Variants in KDM4D observed in about 807,000 individuals in gnomAD.
The protein encoded by KDM4D is lysine demethylase 4D, also known as lysine-specific demethylase 4D.
For synonymous variants in KDM4D, 254 were observed against 249.1 expected (o/e 1.02, Z -0.19); for missense variants, 427 against 674.8 (o/e 0.63, Z 4.07).
In KDM4D at chr11:94,998,817, C is replaced by T. The variant is rs1555099661; in HGVS notation, c.1445C>T (p.Thr482Ile). 1 of 1,597,134 alleles carries T rather than the reference C, an allele frequency of 6.3e-7. No individual in the cohort carries two copies. Among genetic ancestry groups the T allele is most frequent in the Non-Finnish European group, 8.6e-7 (1 of 1,169,420 alleles). The part of the protein sequence containing the change: ...KRPLLAGTTC[T>I]ASGPEPEPLP... Reference sequence around the variant, plus strand: ...CCCCTCTTGGCGGGCACAACATGCACAGCTTCGGGCCCAGAACCTGAGCCC... The same window carrying T: ...CCCCTCTTGGCGGGCACAACATGCATAGCTTCGGGCCCAGAACCTGAGCCC... The change falls in exon 3 of 3, where the codon ACA becomes ATA. Residue 482 changes from threonine (T) to isoleucine (I), a missense_variant. By Grantham distance (89) the Thr-to-Ile change is moderately conservative. Transcript: ENST00000335080. The surrounding 1 kb of genome is among the most constrained non-coding windows in gnomAD (Gnocchi z 6.7).
At chr11:94,985,600 A>G (rs1555098043) in intron 2 of KDM4D, among the ~76,000 whole-genome samples, 1 of 152,232 alleles carries the variant, frequency 6.6e-6, no homozygotes, top group African/African-American at 2.4e-5. Context: ...TCATATAGAA[A>G]TATAAAGGAA....
Position 94,973,724 on chromosome 11 carries a change from C to G in KDM4D, c.-789C>G, listed in dbSNP as rs1339928479. On this transcript the variant is annotated 5_prime_UTR_variant, in exon 1 of 3. In the 5' UTR this introduces an upstream ATG that the reference lacks. Coordinates refer to ENST00000335080, the MANE Select transcript of KDM4D (RefSeq NM_018039.3). ...GGCCCAGGGGGCGGGCGTTTGAAAT[C>G]AGTGCCTTAGAGTAGACCCTAAACC... 3 of 152,376 alleles carry G rather than the reference C, an allele frequency of 2.0e-5. No individual in the cohort carries two copies. Among genetic ancestry groups the G allele is most frequent in the African/African-American group, 7.2e-5 (3 of 41,476 alleles). The allele number at this position is 152,376 out of a possible 1,614,324, so 9.4% of individuals were successfully genotyped here. A position where few individuals can be genotyped will look rare whatever the true frequency, so the allele number is the denominator to read the frequency against.
chr11:94,986,887 G>A (rs1269102529), intron 2 of KDM4D, among the ~76,000 whole-genome samples: 4 of 152,146 alleles, frequency 2.6e-5, no homozygotes, highest in East Asian at 1.9e-4. Flanking sequence ...AGTATTATTC[G>A]TAATAGTCCC....
chr11:94,978,127 A>G (rs1413079664), intron 2 of KDM4D, among the ~76,000 whole-genome samples: 1 of 152,156 alleles, frequency 6.6e-6, no homozygotes, highest in Non-Finnish European at 1.5e-5. Context: ...GTACCATCAA[A>G]ATCCTAATTA....
At chr11:94,977,700 C>A (rs1290368020) in intron 2 of KDM4D, among the ~76,000 whole-genome samples, 1 of 151,994 alleles carries the variant, frequency 6.6e-6, no homozygotes, top group Non-Finnish European at 1.5e-5. Context: ...TTATCATCTT[C>A]CATGACCCTA....
chr11:94,998,268 G>T lies in KDM4D; in HGVS notation c.896G>T (p.Arg299Leu), dbSNP rs1555099505. The change falls in exon 3 of 3, where the codon CGA becomes CTA. Residue 299 changes from arginine (R) to leucine (L), a missense_variant. Transcript: ENST00000335080. The surrounding 1 kb of genome is among the most constrained non-coding windows in gnomAD (Gnocchi z 6.7). ...GAGGCCATCAATTTTGCCACTCCGC[G>T]ATGGATTGATTATGGCAAAATGGCC... ...CAEAINFATP[R>L]WIDYGKMASQ... 1 of 1,614,112 alleles carries T rather than the reference G, an allele frequency of 6.2e-7. No homozygotes were observed. The highest frequency in any genetic ancestry group is 2.2e-5 in the East Asian group (1 of 44,896).
chr11:94,986,959 CA>C (rs1857893354), intron 2 of KDM4D, among the ~76,000 whole-genome samples: 1 of 152,168 alleles, frequency 6.6e-6, no homozygotes, highest in South Asian at 2.1e-4. Flanking sequence ...GCAGTATATC[CA>C]TACCATAGAT....
chr11:94,992,584 TTTTTC>T (rs1857944039), intron 2 of KDM4D, among the ~76,000 whole-genome samples: 1 of 152,092 alleles, frequency 6.6e-6, no homozygotes, highest in Non-Finnish European at 1.5e-5. Flanking sequence ...TAAAATATAT[TTTTTC>T]TTTAAAGTTT....
Position 94,999,043 on chromosome 11 carries a change from T to G in KDM4D, c.*99T>G. The G allele has an allele frequency of 1.7e-6, 2 of 1,207,222 alleles. No homozygotes were observed. The highest frequency in any genetic ancestry group is 3.0e-4 in the Middle Eastern group (1 of 3,298). The allele number at this position is 1,207,222 out of a possible 1,614,324, so 74.8% of individuals were successfully genotyped here. A position where few individuals can be genotyped will look rare whatever the true frequency, so the allele number is the denominator to read the frequency against. On this transcript the variant is annotated 3_prime_UTR_variant, in exon 3 of 3. Transcript: ENST00000335080. ...AAAACTTTGGTTGAGTTTGCAGGACTCTAGGCATGCATGAAAGAGCCCCCC... is the reference window on the plus strand; with the variant it reads ...AAAACTTTGGTTGAGTTTGCAGGACGCTAGGCATGCATGAAAGAGCCCCCC...
At chr11:94,994,270 CTT>C (rs1857959038) in intron 2 of KDM4D, among the ~76,000 whole-genome samples, 1 of 152,068 alleles carries the variant, frequency 6.6e-6, no homozygotes, top group Non-Finnish European at 1.5e-5. Flanking sequence ...AAAGGAGTAA[CTT>C]AGTTTCAGGA....
chr11:94,998,528 C>G lies in KDM4D; in HGVS notation c.1156C>G (p.Pro386Ala), dbSNP rs782025991. 2.5e-6 allele frequency: 4 copies of G among 1,612,920 alleles called. No homozygotes were observed. In the Admixed American group the frequency reaches 6.7e-5, roughly 27 times the overall value. The change falls in exon 3 of 3, where the codon CCT becomes GCT. Residue 386 changes from proline (P) to alanine (A), a missense_variant. Pro to Ala is a conservative substitution (Grantham distance 27). Coordinates refer to ENST00000335080, the MANE Select transcript of KDM4D (RefSeq NM_018039.3). This position sits in a 1 kb window ranked among gnomAD's most constrained non-coding sequence, Gnocchi z 6.7. ...QLPSHWARHS[P>A]WPMAARSGTR... ...CCCTTCCCACTGGGCCCGGCATTCC[C>G]CTTGGCCTATGGCTGCCCGCAGTGG...
Position 94,987,067 on chromosome 11 carries a change from C to A in KDM4D, c.-349-9957C>A, listed in dbSNP as rs926047352. Among the ~76,000 whole-genome samples, 12 of 152,228 alleles carry A rather than the reference C, an allele frequency of 7.9e-5. No homozygotes were observed. The South Asian group carries it at 2.5e-3, about 32-fold the overall frequency. ...AAAGAAGCTGGACACAAAATATTAC[C>A]TATTTTATTATTCCATTTATATTAA... On this transcript the variant is annotated intron_variant, in intron 2 of 2. Transcript: ENST00000335080.
chr11:94,977,365 T>C (rs1266147137), intron 2 of KDM4D, among the ~76,000 whole-genome samples: 1 of 152,150 alleles, frequency 6.6e-6, no homozygotes, highest in African/African-American at 2.4e-5. Flanking sequence ...TCCAAAGTTT[T>C]CTATGGTCTA....
intron 2 of KDM4D, among the ~76,000 whole-genome samples, chr11:94,990,846 T>G (rs1857928908): frequency 6.6e-6 from 1 of 152,194 alleles, no homozygotes; most frequent in South Asian, 2.1e-4. Flanking sequence ...GGAGAATTTG[T>G]TGAAATCTGT....
chr11:94,988,728 A>C (rs1175734140), intron 2 of KDM4D, among the ~76,000 whole-genome samples: 1 of 152,206 alleles, frequency 6.6e-6, no homozygotes. Flanking sequence ...TCCAATCCCT[A>C]GTCTCTGGTC....
In KDM4D at chr11:94,984,693, TAAAAAAAAA is replaced by T. The variant is rs35239329; in HGVS notation, c.-350+8961_-350+8969del. Among the ~76,000 whole-genome samples, 415 of 87,770 alleles carry T rather than the reference TAAAAAAAAA, an allele frequency of 4.7e-3. 3 individuals carry two copies. The highest frequency in any genetic ancestry group is 0.024 in the Middle Eastern group (4 of 166). 57.6% of individuals were successfully genotyped at this position (87,770 alleles called of 152,430 possible). A position where few individuals can be genotyped will look rare whatever the true frequency, so the allele number is the denominator to read the frequency against. ...CAACATGGTGAAACCCCATCTCTAC[TAAAAAAAAA>T]AAAAAAAAAAAAAAATTAGCCAGGC... On this transcript the variant is annotated intron_variant, in intron 2 of 2. Transcript: ENST00000335080.
chr11:94,989,374 C>A (rs1857914439), intron 2 of KDM4D, among the ~76,000 whole-genome samples: 1 of 152,176 alleles, frequency 6.6e-6, no homozygotes, highest in South Asian at 2.1e-4. Context: ...TAGATGGATT[C>A]AGCAGGAAGA....
intron 2 of KDM4D, among the ~76,000 whole-genome samples, chr11:94,988,999 T>A (rs587656781): frequency 6.6e-6 from 1 of 152,296 alleles, no homozygotes; most frequent in Admixed American, 6.5e-5. Flanking sequence ...GTAAGAATAT[T>A]TCTGAGAAAA....
In KDM4D at chr11:94,999,152, T is replaced by C; in HGVS notation, c.*208T>C. On this transcript the variant is annotated 3_prime_UTR_variant, in exon 3 of 3. Transcript: ENST00000335080. Reference sequence around the variant, plus strand: ...GTTCTTCCTACCGGACCCTGGAATGTCTTTGGATATTGCTAAAATCTATTT... The same window carrying C: ...GTTCTTCCTACCGGACCCTGGAATGCCTTTGGATATTGCTAAAATCTATTT... 1 of 439,100 alleles carries C rather than the reference T, an allele frequency of 2.3e-6. No individual in the cohort carries two copies. Among genetic ancestry groups the C allele is most frequent in the African/African-American group, 2.0e-5 (1 of 49,762 alleles). The allele number at this position is 439,100 out of a possible 1,614,324, so 27.2% of individuals were successfully genotyped here. A position where few individuals can be genotyped will look rare whatever the true frequency, so the allele number is the denominator to read the frequency against.
Sources: allele counts gnomAD v4.1 joint callset (sites outside exome capture counted in the v4.1 genomes callset), GRCh38; gene constraint gnomAD v4.1.1; non-coding constraint Gnocchi (gnomAD v3.1); transcripts MANE v1.5; gene names NCBI Gene and HGNC (gene_info 2026-07-23, HGNC 2026-07-21).